ERC2: variants seen among roughly 807,000 people sequenced by gnomAD.
The protein encoded by ERC2 is ELKS/RAB6-interacting/CAST family member 2.
In ERC2, 42 loss-of-function variants were observed where a neutral mutation model predicts 114.8. The observed-to-expected ratio is 0.37, with a 90% confidence interval of 0.29 to 0.47. The LOEUF (loss-of-function observed/expected upper bound fraction) is 0.47, where lower values mean the gene tolerates loss of function less well. ERC2 is among the 20% of genes least tolerant of loss of function. ERC2 has a pLI of 0.99. For missense variants in ERC2, 939 were observed against 1,150.7 expected (o/e 0.82, Z 2.66); for synonymous variants, 454 against 425.5 (o/e 1.07, Z -0.82).
chr3:56,189,995 T>A (rs778098824), intron 3 of ERC2, among the ~76,000 whole-genome samples: 2 of 152,190 alleles, frequency 1.3e-5, no homozygotes, highest in African/African-American at 2.4e-5. Flanking sequence ...GTGAGTTTTA[T>A]AGTGTTCAAA....
intron 17 of ERC2, among the ~76,000 whole-genome samples, chr3:55,628,398 A>G (rs1447583374): frequency 6.6e-6 from 1 of 152,240 alleles, no homozygotes; most frequent in Non-Finnish European, 1.5e-5. Context: ...TTGTCATGTT[A>G]CCATATTGTG....
chr3:56,236,274 A>G (rs7639236), intron 3 of ERC2, among the ~76,000 whole-genome samples: 32,618 of 139,098 alleles, frequency 0.23, 4,029 homozygotes, highest in East Asian at 0.54. Flanking sequence ...TAACATTTCG[A>G]TACATTTTTT....
intron 2 of ERC2, among the ~76,000 whole-genome samples, chr3:56,321,585 G>C (rs1268789304): frequency 6.6e-6 from 1 of 152,192 alleles, no homozygotes; most frequent in Admixed American, 6.5e-5. Context: ...GAAAATATTT[G>C]ATTGGTTACA....
At chr3:56,156,377 A>G (rs1156504791) in intron 4 of ERC2, among the ~76,000 whole-genome samples, 1 of 152,120 alleles carries the variant, frequency 6.6e-6, no homozygotes, top group Non-Finnish European at 1.5e-5. Flanking sequence ...AGTGTTTTAA[A>G]TCCCATGGAG....
intron 7 of ERC2, among the ~76,000 whole-genome samples, chr3:56,051,826 AACACACACAC>A (rs370057271): frequency 0.028 from 3,667 of 130,032 alleles, 62 homozygotes; most frequent in South Asian, 0.052. Context: ...CTCCATCTCA[AACACACACAC>A]ACACACACAC....
chr3:56,059,443 C>T lies in ERC2; in HGVS notation c.1641+21374G>A, dbSNP rs564253023. The stretch of plus-strand genomic sequence containing the variant: ...GGTTAAAATCCAGACTACTTCAGTT[C>T]ATAACCTATTGCTGCTACTAATCAG... On this transcript the variant is annotated intron_variant, in intron 7 of 17. Coordinates refer to ENST00000288221, the MANE Select transcript of ERC2 (RefSeq NM_015576.3). Among the ~76,000 whole-genome samples the T allele has an allele frequency of 5.3e-5, 8 of 152,278 alleles. No individual in the cohort carries two copies. The East Asian group carries it at 1.5e-3, about 29-fold the overall frequency.
chr3:56,441,826 C>T (rs2062324273), intron 1 of ERC2, among the ~76,000 whole-genome samples: 3 of 152,246 alleles, frequency 2.0e-5, no homozygotes, highest in South Asian at 4.1e-4. Flanking sequence ...GGATTACCGG[C>T]GTGAGCCACC....
At chr3:56,341,331 G>A (rs940983402) in intron 2 of ERC2, among the ~76,000 whole-genome samples, 2 of 152,142 alleles carry the variant, frequency 1.3e-5, no homozygotes, top group African/African-American at 2.4e-5. Context: ...TATCACTGTT[G>A]GCTTAGGAGA....
intron 4 of ERC2, among the ~76,000 whole-genome samples, chr3:56,167,006 T>G (rs2082354803): frequency 6.6e-6 from 1 of 152,140 alleles, no homozygotes. Flanking sequence ...ACTGAATGAT[T>G]TGCTCTGCCA....
intron 3 of ERC2, among the ~76,000 whole-genome samples, chr3:56,185,954 G>A (rs2083574543): frequency 2.0e-5 from 3 of 151,748 alleles, no homozygotes; most frequent in South Asian, 4.2e-4. Context: ...GAGATGTAGG[G>A]GCCACATCAT....
intron 17 of ERC2, among the ~76,000 whole-genome samples, chr3:55,576,617 G>A (rs891791519): frequency 6.6e-6 from 1 of 152,188 alleles, no homozygotes; most frequent in Non-Finnish European, 1.5e-5. Context: ...TAGGAACATG[G>A]CTTTTCCTCT....
intron 12 of ERC2, among the ~76,000 whole-genome samples, chr3:55,962,955 C>G (rs1011688464): frequency 2.6e-5 from 4 of 152,220 alleles, no homozygotes; most frequent in Admixed American, 2.6e-4. Flanking sequence ...TCAAGACACA[C>G]CACTCCAAAC....
chr3:56,004,684 T>G (rs572154251), intron 10 of ERC2, among the ~76,000 whole-genome samples: 2 of 152,158 alleles, frequency 1.3e-5, no homozygotes, highest in East Asian at 1.9e-4. Flanking sequence ...TCTACAATGT[T>G]GTGTAGATTT....
chr3:55,768,707 TG>T (rs1196906073), intron 14 of ERC2, among the ~76,000 whole-genome samples: 2 of 152,074 alleles, frequency 1.3e-5, no homozygotes, highest in African/African-American at 4.8e-5. Flanking sequence ...GAGGCAAGTA[TG>T]AGCTTAGAAG....
chr3:55,636,688 G>A (rs537991625), intron 17 of ERC2, among the ~76,000 whole-genome samples: 1 of 152,268 alleles, frequency 6.6e-6, no homozygotes, highest in East Asian at 1.9e-4. Flanking sequence ...CTATTTACCT[G>A]TGTTGTGACA....
intron 6 of ERC2, among the ~76,000 whole-genome samples, chr3:56,139,226 G>A (rs891793877): frequency 2.0e-5 from 3 of 152,188 alleles, no homozygotes; most frequent in African/African-American, 4.8e-5. Context: ...ACTGACAAGA[G>A]TCTAATTATA....
intron 17 of ERC2, among the ~76,000 whole-genome samples, chr3:55,654,999 G>T (rs570281883): frequency 7.9e-5 from 12 of 152,172 alleles, no homozygotes; most frequent in Non-Finnish European, 1.5e-4. Flanking sequence ...GGCCTCTAAG[G>T]CTCACCCTAT....
Position 55,734,923 on chromosome 3 carries a change from T to C in ERC2, c.2565-5A>G. ...GCTGCAAGTAGTGCTTCCTGTCTGG[T>C]AAAATAAAGATTATTGAGATCATTT... is the stretch of plus-strand genomic sequence containing the variant. On this transcript the variant is annotated splice_region_variant and splice_polypyrimidine_tract_variant and intron_variant, in intron 14 of 17. Transcript: ENST00000288221. 1 of 1,564,406 alleles carries C rather than the reference T, an allele frequency of 6.4e-7. No homozygotes were observed. Among genetic ancestry groups the C allele is most frequent in the Admixed American group, 2.0e-5 (1 of 50,690 alleles).
intron 17 of ERC2, among the ~76,000 whole-genome samples, chr3:55,588,526 G>C (rs1257023176): frequency 6.6e-6 from 1 of 152,112 alleles, no homozygotes; most frequent in South Asian, 2.1e-4. Context: ...AATCCCCCTC[G>C]GCCTGATGAA....
Sources: allele counts gnomAD v4.1 joint callset (sites outside exome capture counted in the v4.1 genomes callset), GRCh38; gene constraint gnomAD v4.1.1; transcripts MANE v1.5; gene names NCBI Gene and HGNC (gene_info 2026-07-23, HGNC 2026-07-21).